The following UBE2O variants were observed in gnomAD, a reference collection of about 807,000 sequenced individuals.
UBE2O encodes (E3-independent) E2 ubiquitin-conjugating enzyme.
A neutral mutation model predicts 125.8 loss-of-function variants in UBE2O; 15 were observed. The observed-to-expected ratio is 0.12, with a 90% confidence interval of 0.08 to 0.18. The LOEUF (loss-of-function observed/expected upper bound fraction) is 0.18. Among genes scored for constraint, UBE2O ranks in the 10% least tolerant of loss-of-function variants. UBE2O has a pLI of 1.00. For missense variants in UBE2O, 1,280 were observed against 1,723.6 expected (o/e 0.74, Z 4.56); for synonymous variants, 708 against 703.2 (o/e 1.01, Z -0.11).
chr17:76,395,996 G>T lies in UBE2O; in HGVS notation c.2809+132C>A. On this transcript the variant is annotated intron_variant, in intron 14 of 17. Coordinates refer to ENST00000319380, the MANE Select transcript of UBE2O (RefSeq NM_022066.4). This position sits in a 1 kb window ranked among gnomAD's most constrained non-coding sequence, Gnocchi z 5.0. ...TGGCCTCAGCACTGTGACCACACAG[G>T]GAAATGGTTTGCCCTGGGGCAGTAG... The T allele has an allele frequency of 6.7e-7, 1 of 1,500,640 alleles. No individual in the cohort carries two copies. The highest frequency in any genetic ancestry group is 9.1e-7 in the Non-Finnish European group (1 of 1,100,080). The allele number at this position is 1,500,640 out of a possible 1,614,324, so 93.0% of individuals were successfully genotyped here.
intron 1 of UBE2O, among the ~76,000 whole-genome samples, chr17:76,448,053 A>T (rs2073178718): frequency 6.6e-6 from 1 of 152,228 alleles, no homozygotes; most frequent in African/African-American, 2.4e-5. Context: ...CATTCAGAGT[A>T]GGTGACAGCC....
At position 76,400,998 on chromosome 17, in the gene UBE2O, G is replaced by A; in HGVS notation, c.894+13C>T. On this transcript the variant is annotated intron_variant, in intron 6 of 17. Coordinates refer to ENST00000319380, the MANE Select transcript of UBE2O (RefSeq NM_022066.4). This position sits in a 1 kb window ranked among gnomAD's most constrained non-coding sequence, Gnocchi z 4.3. ...TCAAGGACTCCATCTCCTACCCTTG[G>A]GCCCGGACCCACCTCTTCCACCACC... 1 of 1,613,364 alleles carries A rather than the reference G, an allele frequency of 6.2e-7. No individual in the cohort carries two copies. The highest frequency in any genetic ancestry group is 8.5e-7 in the Non-Finnish European group (1 of 1,179,926).
intron 1 of UBE2O, among the ~76,000 whole-genome samples, chr17:76,419,283 CAAAAA>C (rs35062714): frequency 1.4e-4 from 9 of 63,282 alleles, no homozygotes; most frequent in African/African-American, 2.6e-4. Flanking sequence ...GACCCTATCT[CAAAAA>C]AAAAAAAAAA....
chr17:76,399,643 C>G lies in UBE2O; in HGVS notation c.1434G>C (p.Gln478His). 1 of 1,614,190 alleles carries G rather than the reference C, an allele frequency of 6.2e-7. No homozygotes were observed. Among genetic ancestry groups the G allele is most frequent in the Non-Finnish European group, 8.5e-7 (1 of 1,180,042 alleles). Residue 478 changes from glutamine (Q) to histidine (H), a missense_variant, in exon 9 of 18, where the codon CAG becomes CAC. This residue lies in a region of UBE2O where 141 missense variants were observed against 141.3 expected (regional missense o/e 1.00). Transcript: ENST00000319380. This position sits in a 1 kb window ranked among gnomAD's most constrained non-coding sequence, Gnocchi z 6.9. ...GRDDRLHSAE[Q>H]DADDEAADDT... ...CATCAGCAGCCTCATCATCTGCGTC[C>G]TGCTCTGCCGAGTGCAGCCTGTCAT...
Position 76,452,031 on chromosome 17 carries a change from A to T in UBE2O, c.417+694T>A, listed in dbSNP as rs1313091891. Among the ~76,000 whole-genome samples the T allele has an allele frequency of 6.6e-6, 1 of 151,832 alleles. No individual in the cohort carries two copies. Among genetic ancestry groups the T allele is most frequent in the African/African-American group, 2.4e-5 (1 of 41,292 alleles). On this transcript the variant is annotated intron_variant, in intron 1 of 17. Coordinates refer to ENST00000319380, the MANE Select transcript of UBE2O (RefSeq NM_022066.4). The surrounding 1 kb of genome is among the most constrained non-coding windows in gnomAD (Gnocchi z 4.4). The stretch of plus-strand genomic sequence containing the variant: ...TCCCCTCTACCCAGGGTTCTGGATT[A>T]TTTTTTTCAAGGAGTCCATATGCAC...
chr17:76,442,191 G>C (rs948625612), intron 1 of UBE2O, among the ~76,000 whole-genome samples: 1 of 152,158 alleles, frequency 6.6e-6, no homozygotes, highest in African/African-American at 2.4e-5. Context: ...AGTCTGCCTG[G>C]GGAGCCCGCG....
intron 1 of UBE2O, among the ~76,000 whole-genome samples, chr17:76,436,482 G>A (rs1030337104): frequency 1.3e-5 from 2 of 151,930 alleles, no homozygotes; most frequent in Non-Finnish European, 2.9e-5. Flanking sequence ...TTTTTCTTCG[G>A]TGCTGGATTG....
At position 76,399,170 on chromosome 17, in the gene UBE2O, T is replaced by C; in HGVS notation, c.1629-179A>G. ...TCACCCAGGGTTCCAAGGCCACGCA[T>C]TCTCTGAGAACAGGATCCACTTGGG... is the stretch of plus-strand genomic sequence containing the variant. On this transcript the variant is annotated intron_variant, in intron 9 of 17. Coordinates refer to ENST00000319380, the MANE Select transcript of UBE2O (RefSeq NM_022066.4). This position sits in a 1 kb window ranked among gnomAD's most constrained non-coding sequence, Gnocchi z 6.9. 2.4e-6 allele frequency: 2 copies of C among 844,116 alleles called. No individual in the cohort carries two copies. The highest frequency in any genetic ancestry group is 3.6e-6 in the Non-Finnish European group (2 of 558,510). 52.3% of individuals were successfully genotyped at this position (844,116 alleles called of 1,614,324 possible). A position where few individuals can be genotyped will look rare whatever the true frequency, so the allele number is the denominator to read the frequency against.
chr17:76,426,086 T>G (rs2072805890), intron 1 of UBE2O, among the ~76,000 whole-genome samples: 2 of 152,320 alleles, frequency 1.3e-5, no homozygotes, highest in South Asian at 4.1e-4. Flanking sequence ...CACTGCAGCC[T>G]CAACCTCCTG....
At chr17:76,423,725 T>TAAATAAAA (rs1407680083) in intron 1 of UBE2O, among the ~76,000 whole-genome samples, 11 of 148,906 alleles carry the variant, frequency 7.4e-5, no homozygotes, top group African/African-American at 1.7e-4. Flanking sequence ...AATAAATAAA[T>TAAATAAAA]AAAAAATAAG....
chr17:76,403,269 TTTATTA>T (rs1482142731), intron 3 of UBE2O, among the ~76,000 whole-genome samples: 1 of 152,066 alleles, frequency 6.6e-6, no homozygotes, highest in African/African-American at 2.4e-5. Flanking sequence ...TTTATTTTAC[TTTATTA>T]TTATTTTTTT....
At chr17:76,428,905 T>A (rs2072857253) in intron 1 of UBE2O, among the ~76,000 whole-genome samples, 1 of 150,294 alleles carries the variant, frequency 6.7e-6, no homozygotes. Context: ...CTCTACTATT[T>A]TTTTTTTTTT....
intron 1 of UBE2O, among the ~76,000 whole-genome samples, chr17:76,433,999 C>T (rs1436919375): frequency 1.3e-5 from 2 of 152,178 alleles, no homozygotes; most frequent in Admixed American, 6.5e-5. Context: ...ACTATACTCA[C>T]CAGAAGACAA....
At chr17:76,444,139 A>G (rs1022446253) in intron 1 of UBE2O, among the ~76,000 whole-genome samples, 5 of 152,096 alleles carry the variant, frequency 3.3e-5, no homozygotes, top group Non-Finnish European at 5.9e-5. Context: ...GAGAATCGCT[A>G]GAACCCAGAA....
intron 1 of UBE2O, among the ~76,000 whole-genome samples, chr17:76,415,143 G>A (rs1269255500): frequency 2.0e-5 from 3 of 152,150 alleles, no homozygotes; most frequent in African/African-American, 7.2e-5. Flanking sequence ...AAGGGAGTCG[G>A]CCAGCTGGCC....
intron 1 of UBE2O, among the ~76,000 whole-genome samples, chr17:76,419,283 C>CA (rs35062714): frequency 0.073 from 4,573 of 63,048 alleles, 177 homozygotes; most frequent in East Asian, 0.1. Flanking sequence ...GACCCTATCT[C>CA]AAAAAAAAAA....
chr17:76,395,571 C>G lies in UBE2O; in HGVS notation c.2946+154G>C. On this transcript the variant is annotated intron_variant, in intron 15 of 17. Transcript: ENST00000319380. This position sits in a 1 kb window ranked among gnomAD's most constrained non-coding sequence, Gnocchi z 5.0. ...CACGGCTGAGTCAGCCCTCACCTGACTGAGCCTGTGACCGCCCCTGTAAAA... is the reference window on the plus strand; with the variant it reads ...CACGGCTGAGTCAGCCCTCACCTGAGTGAGCCTGTGACCGCCCCTGTAAAA... 1.2e-6 allele frequency: 1 copy of G among 825,724 alleles called. No individual in the cohort carries two copies. The highest frequency in any genetic ancestry group is 1.9e-6 in the Non-Finnish European group (1 of 529,180). 51.1% of individuals were successfully genotyped at this position (825,724 alleles called of 1,614,324 possible).
In UBE2O at chr17:76,391,961, C is replaced by T. The variant is rs1477119689; in HGVS notation, c.3099G>A (p.Leu1033=). The part of the protein sequence containing the change: ...SQCSGRLNPN[L]YDNGKVCVSL... ...TGACACACACCTTCCCATTGTCATA[C>T]AGGTTGGGGTTCAGGCGGCCACTGC... Residue 1033 remains leucine (L), a synonymous_variant, in exon 16 of 18, where the codon CTG becomes CTA. Transcript: ENST00000319380. This position sits in a 1 kb window ranked among gnomAD's most constrained non-coding sequence, Gnocchi z 8.4. 7.4e-6 allele frequency: 12 copies of T among 1,611,726 alleles called. No homozygotes were observed. The Middle Eastern group carries it at 8.3e-4, about 111-fold the overall frequency.
chr17:76,398,659 A>G lies in UBE2O; in HGVS notation c.1784-75T>C. ...GAGCCCACATCTCAAGCCAGTGCAG[A>G]GTGCAGAACCCTGACCTTCCCCCGT... On this transcript the variant is annotated intron_variant, in intron 10 of 17. Transcript: ENST00000319380. This position sits in a 1 kb window ranked among gnomAD's most constrained non-coding sequence, Gnocchi z 5.4. 6.6e-7 allele frequency: 1 copy of G among 1,520,836 alleles called. No individual in the cohort carries two copies. The highest frequency in any genetic ancestry group is 9.1e-7 in the Non-Finnish European group (1 of 1,104,064). The allele number at this position is 1,520,836 out of a possible 1,614,324, so 94.2% of individuals were successfully genotyped here. A position where few individuals can be genotyped will look rare whatever the true frequency, so the allele number is the denominator to read the frequency against.
Sources: gnomAD v4.1 joint callset for allele counts (sites outside exome capture counted in the v4.1 genomes callset) on GRCh38, gnomAD v4.1.1 for gene constraint, gnomAD v4.1.1 regional missense constraint, Gnocchi (gnomAD v3.1) non-coding constraint, MANE v1.5 for transcripts, NCBI Gene and HGNC (gene_info 2026-07-23, HGNC 2026-07-21) for gene names.